MAP3K10: variants seen among roughly 807,000 people sequenced by gnomAD.
MAP3K10 encodes the protein MKN28 derived nonreceptor_type serine/threonine kinase.
A neutral mutation model predicts 75.0 loss-of-function variants in MAP3K10; 22 were observed. The observed-to-expected ratio is 0.29, with a 90% CI of 0.21 to 0.42. The LOEUF (loss-of-function observed/expected upper bound fraction) is 0.42. Among genes scored for constraint, MAP3K10 ranks in the 10% least tolerant of loss-of-function variants. The pLI is 1.00. For synonymous variants in MAP3K10, 599 were observed against 612.9 expected, an observed-to-expected ratio of 0.98 and a Z score of 0.34; for missense variants, 1,165 against 1,379.8, an observed-to-expected ratio of 0.84 and a Z score of 2.47.
intron 1 of MAP3K10, among the ~76,000 whole-genome samples, chr19:40,193,239 C>T (rs1972850679): frequency 6.6e-6 from 1 of 152,208 alleles, no homozygotes; most frequent in Admixed American, 6.5e-5. Context: ...CCAGCTATGA[C>T]AACCAAAAGT....
chr19:40,209,538 G>T (rs548098952), intron 6 of MAP3K10, among the ~76,000 whole-genome samples: 2 of 151,412 alleles, frequency 1.3e-5, no homozygotes, highest in Non-Finnish European at 2.9e-5. Flanking sequence ...TCAGCCTCCC[G>T]AGTAGCTGTG....
intron 6 of MAP3K10, among the ~76,000 whole-genome samples, chr19:40,210,432 G>A (rs188207435): frequency 9.8e-5 from 15 of 152,286 alleles, no homozygotes; most frequent in African/African-American, 1.9e-4. Flanking sequence ...CCAGCACGGC[G>A]GCTCACGCCT....
chr19:40,214,002 T>TACCCCCCCCCCCC lies in MAP3K10; in HGVS notation c.2323_2324insACCCCCCCCCCCC (p.Ser775TyrfsTer81). 1 of 1,493,670 alleles carries TACCCCCCCCCCCC rather than the reference T, an allele frequency of 6.7e-7. No homozygotes were observed. Among genetic ancestry groups the TACCCCCCCCCCCC allele is most frequent in the African/African-American group, 1.5e-5 (1 of 67,948 alleles). 92.5% of individuals were successfully genotyped at this position (1,493,670 alleles called of 1,614,324 possible). ...TGACGAGGCCGCACCGGCCGCGCCC[T>TACCCCCCCCCCCC]CCCCACCACCCTCCCCGCCCGCGCC... On this transcript the variant is annotated frameshift_variant, in exon 9 of 10. Coordinates refer to ENST00000253055, the MANE Select transcript of MAP3K10 (RefSeq NM_002446.4). LOFTEE classifies it high-confidence loss of function.
chr19:40,214,140 G>A lies in MAP3K10; in HGVS notation c.2461G>A (p.Val821Met). Residue 821 changes from valine (V) to methionine (M), a missense_variant, in exon 9 of 10, where the codon GTG becomes ATG. Around this residue, in one of 2 missense-constraint regions of MAP3K10, gnomAD observed 590 missense variants for 586.6 expected, o/e 1.01. Coordinates refer to ENST00000253055, the MANE Select transcript of MAP3K10 (RefSeq NM_002446.4). ...CACCCACGTCACGGCTGCATGCGCT[G>A]TGAGCCGCGGGCACCGGCGGACGCC... ...TPTHVTAACAVSRGHRRTPSD... is the reference protein window; with the variant it reads ...TPTHVTAACAMSRGHRRTPSD... The A allele has an allele frequency of 6.5e-7, 1 of 1,546,864 alleles. No individual in the cohort carries two copies. Among genetic ancestry groups the A allele is most frequent in the Non-Finnish European group, 8.7e-7 (1 of 1,155,666 alleles).
intron 2 of MAP3K10, among the ~76,000 whole-genome samples, chr19:40,199,649 T>C (rs1972980654): frequency 6.6e-6 from 1 of 151,674 alleles, no homozygotes; most frequent in South Asian, 2.1e-4. Flanking sequence ...GGTGAGGGAG[T>C]GGCCTTCAGG....
Position 40,209,125 on chromosome 19 carries a change from C to G in MAP3K10, c.1458C>G (p.Val486=), listed in dbSNP as rs369530916. 14 of 1,613,990 alleles carry G rather than the reference C, an allele frequency of 8.7e-6. No homozygotes were observed. Among genetic ancestry groups the G allele is most frequent in the Non-Finnish European group, 1.1e-5 (13 of 1,179,940 alleles). Residue 486 remains valine, a synonymous_variant, in exon 6 of 10, where the codon GTC becomes GTG. Coordinates refer to ENST00000253055, the MANE Select transcript of MAP3K10 (RefSeq NM_002446.4). ...CAGGCTTTGAGCATAAGATCACAGT[C>G]CAGGCCTCTCCAACTCTGGATAAGC... ...LPSGFEHKIT[V]QASPTLDKRK... is the part of the protein sequence containing the mutation.
rs1323951790 is a variant in MAP3K10, at chr19:40,198,679, G to A, written c.863+124G>A. 1.0e-6 allele frequency: 1 copy of A among 971,182 alleles called. No individual in the cohort carries two copies. Among genetic ancestry groups the A allele is most frequent in the East Asian group, 2.7e-5 (1 of 37,198 alleles). The allele number at this position is 971,182 out of a possible 1,614,324, so 60.2% of individuals were successfully genotyped here. A position where few individuals can be genotyped will look rare whatever the true frequency, so the allele number is the denominator to read the frequency against. On this transcript the variant is annotated intron_variant, in intron 2 of 9. Coordinates refer to ENST00000253055, the MANE Select transcript of MAP3K10 (RefSeq NM_002446.4). This position sits in a 1 kb window ranked among gnomAD's most constrained non-coding sequence, Gnocchi z 4.3. The stretch of plus-strand genomic sequence containing the variant: ...CTCAGTCTGACAAAGGGACCTGCTG[G>A]CAAGGTCAGGCCACCAGACAAGTGC...
intron 2 of MAP3K10, among the ~76,000 whole-genome samples, chr19:40,199,086 A>G (rs79817057): frequency 0.048 from 7,375 of 152,204 alleles, 290 homozygotes; most frequent in Non-Finnish European, 0.076. Context: ...AAAAAATTTA[A>G]AAAAGCATAG....
Position 40,213,098 on chromosome 19 carries a change from A to G in MAP3K10, c.1747A>G (p.Ser583Gly). 4.4e-6 allele frequency: 7 copies of G among 1,606,796 alleles called. No individual in the cohort carries two copies. The highest frequency in any genetic ancestry group is 1.3e-5 in the African/African-American group (1 of 75,022). ...EERLKGLGEG[S>G]KQWSSSAPNL... ...CAGGCTGAAGGGGCTGGGGGAAGGA[A>G]GCAAACAGTGGTCATCAAGTGCCCC... The change falls in exon 8 of 10, where the codon AGC becomes GGC. Residue 583 changes from serine to glycine, a missense_variant. Ser to Gly is a moderately conservative substitution (Grantham distance 56, BLOSUM62 0). Transcript: ENST00000253055. This position sits in a 1 kb window ranked among gnomAD's most constrained non-coding sequence, Gnocchi z 5.7.
In MAP3K10 at chr19:40,192,068, G is replaced by A; in HGVS notation, c.37G>A (p.Gly13Ser). Reference sequence around the variant, plus strand: ...GGAGGGGGCGGTGGCCAAGGAGTGGGGCACGACCCCCGCGGGGCCCGTCTG... The same window carrying A: ...GGAGGGGGCGGTGGCCAAGGAGTGGAGCACGACCCCCGCGGGGCCCGTCTG... ...EEEGAVAKEWGTTPAGPVWTA... is the reference protein window; with the variant it reads ...EEEGAVAKEWSTTPAGPVWTA... The change falls in exon 1 of 10, where the codon GGC becomes AGC. Residue 13 changes from glycine to serine, a missense_variant. This residue lies in a region of MAP3K10 where 575 missense variants were observed against 793.2 expected (regional missense o/e 0.72). Transcript: ENST00000253055. The surrounding 1 kb of genome is among the most constrained non-coding windows in gnomAD (Gnocchi z 7.1). 1 of 1,487,098 alleles carries A rather than the reference G, an allele frequency of 6.7e-7. No individual in the cohort carries two copies. The highest frequency in any genetic ancestry group is 8.9e-7 in the Non-Finnish European group (1 of 1,120,490). The allele number at this position is 1,487,098 out of a possible 1,614,324, so 92.1% of individuals were successfully genotyped here.
At chr19:40,201,010 T>C (rs986638804) in intron 2 of MAP3K10, among the ~76,000 whole-genome samples, 1 of 152,014 alleles carries the variant, frequency 6.6e-6, no homozygotes, top group African/African-American at 2.4e-5. Flanking sequence ...TCTCAGTCAT[T>C]ATTACAATCA....
intron 2 of MAP3K10, among the ~76,000 whole-genome samples, chr19:40,199,832 T>G (rs939573858): frequency 2.0e-5 from 3 of 151,948 alleles, no homozygotes; most frequent in African/African-American, 7.3e-5. Flanking sequence ...AAAGAAATTT[T>G]TAAATTAATT....
Position 40,215,176 on chromosome 19 carries a change from G to A in MAP3K10, c.2749G>A (p.Asp917Asn). The A allele has an allele frequency of 1.2e-6, 2 of 1,600,692 alleles. No homozygotes were observed. Among genetic ancestry groups the A allele is most frequent in the Non-Finnish European group, 1.7e-6 (2 of 1,174,438 alleles). The change falls in exon 10 of 10, where the codon GAC becomes AAC. Residue 917 changes from aspartate (D) to asparagine (N), a missense_variant. This residue lies in a region of MAP3K10 where 590 missense variants were observed against 586.6 expected (regional missense o/e 1.01). Transcript: ENST00000253055. Reference sequence around the variant, plus strand: ...CACCATCTCGCCTCCCAGCAGGCCAGACACTCCGGAGAGCCCTGGGCCCCC... The same window carrying A: ...CACCATCTCGCCTCCCAGCAGGCCAAACACTCCGGAGAGCCCTGGGCCCCC... ...TLTISPPSRP[D>N]TPESPGPPSV...
intron 5 of MAP3K10, 76 bp from the exon 6 acceptor site, chr19:40,209,027 T>C (rs1266666060): frequency 2.2e-5 from 23 of 1,055,384 alleles, no homozygotes; most frequent in Non-Finnish European, 3.2e-5. Context: ...ATTCCTTCTC[T>C]ACTTCTACAG....
Position 40,212,059 on chromosome 19 carries a change from C to T in MAP3K10, c.1553-746C>T, listed in dbSNP as rs1463135399. Among the ~76,000 whole-genome samples, 1 of 152,174 alleles carries T rather than the reference C, an allele frequency of 6.6e-6. No individual in the cohort carries two copies. The highest frequency in any genetic ancestry group is 1.9e-4 in the East Asian group (1 of 5,180). On this transcript the variant is annotated intron_variant, in intron 6 of 9. Coordinates refer to ENST00000253055, the MANE Select transcript of MAP3K10 (RefSeq NM_002446.4). This position sits in a 1 kb window ranked among gnomAD's most constrained non-coding sequence, Gnocchi z 4.2. ...TTTTCTTTTAACTGCCCTGGGGCAG[C>T]CCCCAGAGCCATGCGAGCAAGGCAC...
chr19:40,196,042 G>A (rs1296399269), intron 1 of MAP3K10, among the ~76,000 whole-genome samples: 1 of 151,818 alleles, frequency 6.6e-6, no homozygotes, highest in Non-Finnish European at 1.5e-5. Flanking sequence ...ATTGCTTCAG[G>A]CAATAAATTT....
In MAP3K10 at chr19:40,212,609, C is replaced by T. The variant is rs1485109376; in HGVS notation, c.1553-196C>T. 3.3e-5 allele frequency among the ~76,000 whole-genome samples: 5 copies of T among 152,236 alleles called. No homozygotes were observed. Among genetic ancestry groups the T allele is most frequent in the South Asian group, 2.1e-4 (1 of 4,822 alleles). On this transcript the variant is annotated intron_variant, in intron 6 of 9. Coordinates refer to ENST00000253055, the MANE Select transcript of MAP3K10 (RefSeq NM_002446.4). This position sits in a 1 kb window ranked among gnomAD's most constrained non-coding sequence, Gnocchi z 4.2. Reference sequence around the variant, plus strand: ...ACCGCTCATGGCCTTCAGTGCCAGGCGGAGGAGCTGGAACCTTGTCCTGAC... The same window carrying T: ...ACCGCTCATGGCCTTCAGTGCCAGGTGGAGGAGCTGGAACCTTGTCCTGAC...
rs747708612 is a variant in MAP3K10, at chr19:40,206,111, C to T, written c.1389C>T (p.Arg463=). 4 of 1,612,184 alleles carry T rather than the reference C, an allele frequency of 2.5e-6. No homozygotes were observed. The highest frequency in any genetic ancestry group is 1.7e-6 in the Non-Finnish European group (2 of 1,179,026). ...RKRKGNFKRS[R]LLKLREGGSH... is the part of the protein sequence containing the mutation. ...GCAAGGGCAACTTCAAGCGCAGCCG[C>T]CTGCTCAAGCTGCGGGAAGGCGGCA... The change falls in exon 5 of 10, where the codon CGC becomes CGT. Residue 463 remains arginine (R), a synonymous_variant. Coordinates refer to ENST00000253055, the MANE Select transcript of MAP3K10 (RefSeq NM_002446.4).
chr19:40,200,001 A>T (rs1972987369), intron 2 of MAP3K10, among the ~76,000 whole-genome samples: 1 of 152,098 alleles, frequency 6.6e-6, no homozygotes, highest in Non-Finnish European at 1.5e-5. Context: ...TCTACTAAAA[A>T]TACAAAAATT....
Sources: gnomAD v4.1 joint callset for allele counts (sites outside exome capture counted in the v4.1 genomes callset) on GRCh38, gnomAD v4.1.1 for gene constraint, gnomAD v4.1.1 regional missense constraint, Gnocchi (gnomAD v3.1) non-coding constraint, MANE v1.5 for transcripts, NCBI Gene and HGNC (gene_info 2026-07-23, HGNC 2026-07-21) for gene names.